The following FAM117B variants were observed in gnomAD, a reference collection of about 807,000 sequenced individuals.
FAM117B encodes the protein family with sequence similarity 117 member B.
In FAM117B, 22 loss-of-function variants were observed where a neutral mutation model predicts 52.8. The ratio of observed to expected loss-of-function variants is 0.42; its 90% CI spans 0.30 to 0.59. The LOEUF is 0.59. Among genes scored for constraint, FAM117B ranks in the 20% least tolerant of loss-of-function variants. The pLI is 0.22. For missense variants in FAM117B, 678 were observed against 802.6 expected (o/e 0.84, Z 1.88); for synonymous variants, 309 against 324.1 (o/e 0.95, Z 0.50).
intron 4 of FAM117B, among the ~76,000 whole-genome samples, chr2:202,734,634 A>C (rs1175749383): frequency 6.6e-6 from 1 of 152,204 alleles, no homozygotes; most frequent in Non-Finnish European, 1.5e-5. Flanking sequence ...AGAGGTGTGA[A>C]GTTCCTCAGT....
chr2:202,731,293 A>G lies in FAM117B; in HGVS notation c.960+4930A>G, dbSNP rs959829146. Among the ~76,000 whole-genome samples the G allele has an allele frequency of 4.5e-5, 6 of 132,720 alleles. No homozygotes were observed. In the East Asian group the frequency reaches 1.2e-3, roughly 27 times the overall value. 87.1% of individuals were successfully genotyped at this position (132,720 alleles called of 152,430 possible). ...GCATTAGAATGCTGTAATTTAAAAGACAGATAATAAGTGTCAGGGGAGGAT... is the reference window on the plus strand; with the variant it reads ...GCATTAGAATGCTGTAATTTAAAAGGCAGATAATAAGTGTCAGGGGAGGAT... On this transcript the variant is annotated intron_variant, in intron 4 of 7. Coordinates refer to ENST00000392238, the MANE Select transcript of FAM117B (RefSeq NM_173511.4).
chr2:202,640,336 A>ATATATG (rs1689752621), intron 1 of FAM117B, among the ~76,000 whole-genome samples: 2 of 107,684 alleles, frequency 1.9e-5, no homozygotes, highest in Non-Finnish European at 3.8e-5. Flanking sequence ...ATATATATAT[A>ATATATG]TATATATGGC....
At chr2:202,752,942 C>T (rs1459952194) in intron 4 of FAM117B, among the ~76,000 whole-genome samples, 2 of 152,114 alleles carry the variant, frequency 1.3e-5, no homozygotes, top group Non-Finnish European at 2.9e-5. Context: ...GCCATACTGC[C>T]CAAAGTAATT....
At chr2:202,667,841 A>G (rs1275110712) in intron 1 of FAM117B, among the ~76,000 whole-genome samples, 1 of 152,110 alleles carries the variant, frequency 6.6e-6, no homozygotes, top group Non-Finnish European at 1.5e-5. Context: ...TGAAGTGGAC[A>G]GCTAGCATGG....
At chr2:202,746,948 G>GAAAAAAAAC (rs1559114671) in intron 4 of FAM117B, among the ~76,000 whole-genome samples, 1 of 143,648 alleles carries the variant, frequency 7.0e-6, no homozygotes, top group Non-Finnish European at 1.5e-5. Flanking sequence ...GCCACCACCG[G>GAAAAAAAAC]AAAAAAAAAC....
chr2:202,668,895 C>T (rs571778402), intron 1 of FAM117B, among the ~76,000 whole-genome samples: 1 of 152,190 alleles, frequency 6.6e-6, no homozygotes, highest in Non-Finnish European at 1.5e-5. Flanking sequence ...CTCATGTCTG[C>T]TTCGTTTTGG....
intron 1 of FAM117B, among the ~76,000 whole-genome samples, chr2:202,652,401 T>A (rs914552315): frequency 5.9e-5 from 9 of 152,274 alleles, no homozygotes; most frequent in African/African-American, 2.2e-4. Context: ...GCCTGGCCTG[T>A]TTATGTTATT....
At chr2:202,743,052 A>G (rs1691574197) in intron 4 of FAM117B, among the ~76,000 whole-genome samples, 1 of 152,088 alleles carries the variant, frequency 6.6e-6, no homozygotes, top group African/African-American at 2.4e-5. Context: ...CCAGCTCACC[A>G]CTGGCACCTG....
chr2:202,725,128 G>T, intron 3 of FAM117B, 119 bp downstream of exon 3: 1 of 649,696 alleles, frequency 1.5e-6, no homozygotes, highest in East Asian at 3.1e-5. Flanking sequence ...TTTCTTTTTG[G>T]CTTCTGAAAT....
At chr2:202,678,509 A>G (rs1690411790) in intron 1 of FAM117B, among the ~76,000 whole-genome samples, 3 of 152,164 alleles carry the variant, frequency 2.0e-5, no homozygotes, top group African/African-American at 7.2e-5. Context: ...TGCCAGGCAC[A>G]TGTTGGGGCA....
chr2:202,719,935 A>C (rs1014617397), intron 2 of FAM117B, among the ~76,000 whole-genome samples: 1 of 152,068 alleles, frequency 6.6e-6, no homozygotes, highest in Non-Finnish European at 1.5e-5. Flanking sequence ...AATTTGTTAC[A>C]TTTTTGTTAG....
intron 5 of FAM117B, among the ~76,000 whole-genome samples, chr2:202,755,947 T>C (rs147761169): frequency 0.012 from 1,792 of 152,360 alleles, 21 homozygotes; most frequent in Non-Finnish European, 0.018. Flanking sequence ...TTAGGTGATA[T>C]ACTTCTTATT....
intron 1 of FAM117B, among the ~76,000 whole-genome samples, chr2:202,694,296 T>A (rs758578067): frequency 6.7e-5 from 10 of 150,284 alleles, no homozygotes; most frequent in Non-Finnish European, 1.0e-4. Flanking sequence ...ATTCAAGCGA[T>A]TCTCCTGCCT....
At chr2:202,724,706 A>G (rs1381650146) in intron 2 of FAM117B, among the ~76,000 whole-genome samples, 11 of 152,210 alleles carry the variant, frequency 7.2e-5, no homozygotes, top group Admixed American at 7.2e-4. Flanking sequence ...CTAATTTTTT[A>G]TTAGCAATAA....
chr2:202,741,710 GTAT>G (rs1691543500), intron 4 of FAM117B, among the ~76,000 whole-genome samples: 1 of 151,804 alleles, frequency 6.6e-6, no homozygotes, highest in South Asian at 2.1e-4. Flanking sequence ...CTGATTTTTT[GTAT>G]TTTTAGTAGA....
At chr2:202,742,130 CAATCCCAATAAA>C (rs1317893665) in intron 4 of FAM117B, among the ~76,000 whole-genome samples, 2 of 152,092 alleles carry the variant, frequency 1.3e-5, no homozygotes, top group East Asian at 3.8e-4. Context: ...AAATTTAACA[CAATCCCAATAAA>C]AATATCAGTA....
At chr2:202,639,113 C>T (rs917524829) in intron 1 of FAM117B, among the ~76,000 whole-genome samples, 6 of 152,146 alleles carry the variant, frequency 3.9e-5, no homozygotes, top group Admixed American at 1.3e-4. Context: ...AAATCCCTAC[C>T]GTAAAGGGTA....
In FAM117B at chr2:202,703,227, TTC is replaced by T. The variant is rs373391936; in HGVS notation, c.753+7197_753+7198del. Among the ~76,000 whole-genome samples the T allele has an allele frequency of 9.8e-5, 15 of 152,356 alleles. 1 individual carries two copies. In the East Asian group the frequency reaches 1.9e-3, roughly 20 times the overall value. ...GTTAATACTTAACCACTATCTCACTTTCTGTTTCCATGAATTTGCCCATTTCA... is the reference window on the plus strand; with the variant it reads ...GTTAATACTTAACCACTATCTCACTTTGTTTCCATGAATTTGCCCATTTCA... On this transcript the variant is annotated intron_variant, in intron 2 of 7. Coordinates refer to ENST00000392238, the MANE Select transcript of FAM117B (RefSeq NM_173511.4).
At chr2:202,690,515 G>A (rs531193885) in intron 1 of FAM117B, among the ~76,000 whole-genome samples, 1 of 152,208 alleles carries the variant, frequency 6.6e-6, no homozygotes, top group South Asian at 2.1e-4. Context: ...AACCTTTCCA[G>A]TGAACTATGA....
Sources: gnomAD v4.1 joint callset for allele counts (sites outside exome capture counted in the v4.1 genomes callset) on GRCh38, gnomAD v4.1.1 for gene constraint, MANE v1.5 for transcripts, NCBI Gene and HGNC (gene_info 2026-07-23, HGNC 2026-07-21) for gene names.